FAAH2: variants seen among roughly 807,000 people sequenced by gnomAD.
FAAH2 encodes the protein fatty-acid amide hydrolase 2.
FAAH2 carries 60 observed loss-of-function variants against 36.9 expected under a neutral mutation model. That is an observed-to-expected ratio of 1.63 (90% confidence interval 1.32 to 2.02). The LOEUF (loss-of-function observed/expected upper bound fraction) is 2.02, where lower values mean the gene tolerates loss of function less well. Ranked by LOEUF, FAAH2 falls within the 30% of genes most tolerant of loss-of-function variation. FAAH2 has a pLI of 0.00. For synonymous variants in FAAH2, 214 were observed against 143.8 expected, an observed-to-expected ratio of 1.49 and a Z score of -3.49; for missense variants, 689 against 397.5, an observed-to-expected ratio of 1.73 and a Z score of -6.23.
the FAAH2 span, among the ~76,000 whole-genome samples, chrX:57,124,766 G>A: frequency 5.4e-5 from 6 of 111,610 alleles, no homozygotes; most frequent in Admixed American, 1.9e-4. Flanking sequence ...CTTTGAAGCA[G>A]TTGTGAATGA....
At chrX:57,413,885 T>C (rs2055766358) in intron 7 of FAAH2, among the ~76,000 whole-genome samples, 1 of 111,850 alleles carries the variant, frequency 8.9e-6, no homozygotes, top group African/African-American at 3.3e-5. Context: ...TCTTATTTCC[T>C]TGAGCAGTGA....
intron 3 of FAAH2, among the ~76,000 whole-genome samples, chrX:57,318,998 G>A (rs902332901): frequency 2.6e-4 from 29 of 111,337 alleles, no homozygotes; most frequent in African/African-American, 9.1e-4. Flanking sequence ...TCTCAATAAA[G>A]TAGGTATTAA....
chrX:57,478,870 A>G (rs141169503), intron 10 of FAAH2, among the ~76,000 whole-genome samples: 1,529 of 111,732 alleles, frequency 0.014, 29 homozygotes, highest in African/African-American at 0.048. Context: ...TACCAATACC[A>G]TGCTGTTTTG....
intron 8 of FAAH2, among the ~76,000 whole-genome samples, chrX:57,439,298 G>C (rs372716600): frequency 2.2e-4 from 24 of 109,988 alleles, no homozygotes; most frequent in Admixed American, 1.6e-3. Flanking sequence ...GCCATTCTAA[G>C]TGGTGTGAGA....
chrX:57,271,549 C>A, the FAAH2 span, among the ~76,000 whole-genome samples: 1 of 112,152 alleles, frequency 8.9e-6, no homozygotes, highest in Non-Finnish European at 1.9e-5. Flanking sequence ...ACCTCTGGGT[C>A]AAAACTTCCA....
intron 5 of FAAH2, among the ~76,000 whole-genome samples, chrX:57,371,749 C>A (rs1030494594): frequency 3.6e-5 from 4 of 110,771 alleles, no homozygotes; most frequent in Non-Finnish European, 7.6e-5. Flanking sequence ...GAACCTGTTA[C>A]CCAGGTAGTG....
At chrX:57,165,292 A>G in the FAAH2 span, among the ~76,000 whole-genome samples, 4 of 112,485 alleles carry the variant, frequency 3.6e-5, no homozygotes, top group South Asian at 1.1e-3. Flanking sequence ...AACCAACCCA[A>G]ATGTCCAACA....
chrX:57,260,743 ATG>A, the FAAH2 span, among the ~76,000 whole-genome samples: 2,626 of 109,685 alleles, frequency 0.024, 44 homozygotes, highest in African/African-American at 0.053. Context: ...ATCAAAGGAT[ATG>A]TGTGTGTGTG....
At chrX:57,292,388 G>T in intron 1 of FAAH2, 110 bp from the exon 2 acceptor site, 10 of 673,448 alleles carry the variant, frequency 1.5e-5, no homozygotes, top group Non-Finnish European at 2.0e-5. Context: ...GTAATTCACT[G>T]AAAGTGTCTC....
intron 10 of FAAH2, among the ~76,000 whole-genome samples, chrX:57,458,085 C>A (rs1010016115): frequency 1.8e-5 from 2 of 111,477 alleles, no homozygotes; most frequent in African/African-American, 6.5e-5. Flanking sequence ...CATGGTACTG[C>A]TGCAAAAAAA....
the FAAH2 span, chrX:57,135,481 C>A: frequency 7.9e-6 from 2 of 251,834 alleles, no homozygotes; most frequent in Non-Finnish European, 6.8e-6. Context: ...CCTTCCCCTG[C>A]CCCCTCCAGA....
chrX:57,444,656 C>A (rs899236196), intron 8 of FAAH2, among the ~76,000 whole-genome samples: 1 of 111,249 alleles, frequency 9.0e-6, no homozygotes, highest in Admixed American at 9.6e-5. Flanking sequence ...CAAAAATCAC[C>A]CATCTTCTGT....
At chrX:57,349,120 T>C (rs1395002620) in intron 5 of FAAH2, among the ~76,000 whole-genome samples, 2 of 93,402 alleles carry the variant, frequency 2.1e-5, no homozygotes, top group Non-Finnish European at 4.2e-5. Flanking sequence ...ATGTGTATAA[T>C]ATATACACAT....
chrX:57,327,393 C>A (rs1357316692), intron 3 of FAAH2, among the ~76,000 whole-genome samples: 2 of 110,481 alleles, frequency 1.8e-5, no homozygotes, highest in Non-Finnish European at 3.8e-5. Flanking sequence ...GCCTGCCTTG[C>A]TAGATTGGGG....
chrX:57,126,144 G>T, the FAAH2 span, among the ~76,000 whole-genome samples: 1 of 112,294 alleles, frequency 8.9e-6, no homozygotes, highest in Non-Finnish European at 1.9e-5. Flanking sequence ...AAAAAGTTAA[G>T]GTAGCAGTTA....
chrX:57,439,461 C>T (rs1302681811), intron 8 of FAAH2, among the ~76,000 whole-genome samples: 1 of 111,079 alleles, frequency 9.0e-6, no homozygotes, highest in Non-Finnish European at 1.9e-5. Flanking sequence ...TTGTTTTTTT[C>T]TTGTAAATTT....
At chrX:57,160,222 C>T in the FAAH2 span, among the ~76,000 whole-genome samples, 3 of 111,778 alleles carry the variant, frequency 2.7e-5, no homozygotes, top group Non-Finnish European at 3.8e-5. Flanking sequence ...TTTTGATGTG[C>T]TGTTGGCTTC....
chrX:57,158,577 T>A, the FAAH2 span, among the ~76,000 whole-genome samples: 2 of 112,300 alleles, frequency 1.8e-5, no homozygotes, highest in Non-Finnish European at 3.8e-5. Flanking sequence ...GTGGTTTTGA[T>A]TTGCATTTCT....
chrX:57,284,016 G>A (rs895556400), upstream of FAAH2, among the ~76,000 whole-genome samples: 5 of 111,648 alleles, frequency 4.5e-5, no homozygotes, highest in Non-Finnish European at 9.4e-5. Context: ...CTGTGGGTTC[G>A]CGTCAGTCCC....
Sources: allele counts gnomAD v4.1 joint callset (sites outside exome capture counted in the v4.1 genomes callset), GRCh38; gene constraint gnomAD v4.1.1; transcripts MANE v1.5; gene names NCBI Gene and HGNC (gene_info 2026-07-23, HGNC 2026-07-21).